Variants in GNAS observed in about 807,000 individuals in gnomAD.
GNAS encodes the protein protein ALEX.
Under a neutral mutation model 54.5 loss-of-function variants are expected in GNAS, and 8 were observed. The observed-to-expected ratio is 0.15, with a 90% CI of 0.09 to 0.26. GNAS has a LOEUF of 0.26. Among genes scored for constraint, GNAS ranks in the 10% least tolerant of loss-of-function variants. The pLI is 1.00. For missense variants in GNAS, 170 were observed against 529.8 expected, an observed-to-expected ratio of 0.32 and a Z score of 6.67; for synonymous variants, 204 against 191.4, an observed-to-expected ratio of 1.07 and a Z score of -0.54.
Position 58,900,297 on chromosome 20 carries a change from AAACCCTTG to A in GNAS, c.257+1319_257+1326del, listed in dbSNP as rs199642091. 3.6e-3 allele frequency: 1,395 copies of A among 386,150 alleles called. 25 individuals carry two copies. The Admixed American group carries it at 0.039, about 11-fold the overall frequency. 23.9% of individuals were successfully genotyped at this position (386,150 alleles called of 1,614,324 possible). A position where few individuals can be genotyped will look rare whatever the true frequency, so the allele number is the denominator to read the frequency against. ...CCTACTGTGTACTAGATGTCCTGCT[AAACCCTTG>A]AACCCTACTAATACCTTGGCCTGCA... On this transcript the variant is annotated intron_variant, in intron 3 of 12. Transcript: ENST00000371085.
At chr20:58,889,111 T>G, upstream of GNAS, 1 of 1,148,264 alleles carries the variant, frequency 8.7e-7, no homozygotes, top group Non-Finnish European at 1.1e-6. Flanking sequence ...CTGCTATGGG[T>G]CGGTCCTCTG....
chr20:58,889,383 G>C (rs1391021024), upstream of GNAS: 1 of 983,768 alleles, frequency 1.0e-6, no homozygotes, highest in Non-Finnish European at 1.2e-6. Flanking sequence ...GGCCTCCCGC[G>C]GAAGTGCGAG....
Position 58,840,939 on chromosome 20 carries a change from C to T in GNAS, c.43+53C>T, listed in dbSNP as rs1311438642. On this transcript the variant is annotated intron_variant, in intron 1 of 12. Coordinates refer to the GNAS transcript ENST00000306090. This position sits in a 1 kb window ranked among gnomAD's most constrained non-coding sequence, Gnocchi z 6.0. ...GCCTGAGGGCGGTGTGGGAGCAGCG[C>T]AGGTGGAAAGGAGGTGAGAAGGAAA... 1.3e-6 allele frequency: 2 copies of T among 1,590,274 alleles called. No individual in the cohort carries two copies. Among genetic ancestry groups the T allele is most frequent in the Admixed American group, 1.7e-5 (1 of 58,044 alleles).
intron 3 of GNAS, among the ~76,000 whole-genome samples, chr20:58,902,371 A>G (rs751990080): frequency 3.3e-5 from 5 of 152,174 alleles, no homozygotes; most frequent in Non-Finnish European, 5.9e-5. Flanking sequence ...TTTCTGAAAA[A>G]CATACAGCAT....
At chr20:58,843,449 A>G (rs2085821707) in intron 1 of GNAS, 1 of 152,318 alleles carries the variant, frequency 6.6e-6, no homozygotes, top group Non-Finnish European at 1.5e-5. Flanking sequence ...AACTTCCCCA[A>G]GCATTCCCAA....
chr20:58,890,369 C>T (rs1459309564), upstream of GNAS, among the ~76,000 whole-genome samples: 2 of 151,550 alleles, frequency 1.3e-5, no homozygotes, highest in African/African-American at 4.8e-5. Context: ...CTGACTGGGA[C>T]ACGGACTCGA....
At chr20:58,844,473 G>A (rs923262956) in intron 1 of GNAS, among the ~76,000 whole-genome samples, 9 of 152,258 alleles carry the variant, frequency 5.9e-5, no homozygotes, top group African/African-American at 1.9e-4. Context: ...CTGGAGCAGT[G>A]GGATCTAAGA....
chr20:58,866,598 T>C (rs2087081692), intron 1 of GNAS, among the ~76,000 whole-genome samples: 1 of 152,220 alleles, frequency 6.6e-6, no homozygotes, highest in Admixed American at 6.5e-5. Context: ...ACTTTATAAC[T>C]TCTTTGTTAT....
intron 1 of GNAS, among the ~76,000 whole-genome samples, chr20:58,865,273 C>T (rs1600771140): frequency 6.6e-6 from 1 of 151,646 alleles, no homozygotes; most frequent in Admixed American, 6.6e-5. Context: ...AAAAAATTAG[C>T]CGGGCGTGGT....
intron 1 of GNAS, among the ~76,000 whole-genome samples, chr20:58,859,139 A>C (rs2086649639): frequency 6.6e-6 from 1 of 152,228 alleles, no homozygotes; most frequent in South Asian, 2.1e-4. Context: ...TTGAAAAGGA[A>C]AATCTCACTG....
chr20:58,848,073 C>T (rs2086003676), intron 1 of GNAS, among the ~76,000 whole-genome samples: 1 of 152,196 alleles, frequency 6.6e-6, no homozygotes, highest in Non-Finnish European at 1.5e-5. Flanking sequence ...TTCAAAACGC[C>T]ACTGTTTGCC....
upstream of GNAS, chr20:58,839,818 C>CT (rs1480178914): frequency 1.7e-6 from 1 of 593,110 alleles, no homozygotes; most frequent in East Asian, 2.8e-5. Context: ...GCTGCGGAAT[C>CT]TAAGACTCAG....
intron 1 of GNAS, among the ~76,000 whole-genome samples, chr20:58,870,732 G>C (rs917970799): frequency 1.3e-5 from 2 of 152,048 alleles, no homozygotes; most frequent in African/African-American, 4.8e-5. Flanking sequence ...TGCGCCAGAC[G>C]CACAAATCCC....
chr20:58,852,101 C>T (rs996189021), intron 1 of GNAS, among the ~76,000 whole-genome samples: 4 of 152,104 alleles, frequency 2.6e-5, no homozygotes, highest in Admixed American at 1.3e-4. Flanking sequence ...CGCCCCCCAC[C>T]CCTCTCTTGG....
At position 58,853,710 on chromosome 20, in the gene GNAS, C is replaced by A. The variant is rs768905268; in HGVS notation, c.43+12824C>A. 5.6e-6 allele frequency: 9 copies of A among 1,613,864 alleles called. No individual in the cohort carries two copies. In the Admixed American group the frequency reaches 6.7e-5, roughly 12 times the overall value. ...GCCCGGAGCCTTCAGTGGTGCCAGA[C>A]CAGGCCTGGGAGGATACAGCCCTCC... is the stretch of plus-strand genomic sequence containing the variant. On this transcript the variant is annotated intron_variant, in intron 1 of 12. Transcript: ENST00000306090. The surrounding 1 kb of genome is among the most constrained non-coding windows in gnomAD (Gnocchi z 4.4).
At chr20:58,868,022 CTTT>C (rs370255144) in intron 1 of GNAS, among the ~76,000 whole-genome samples, 3 of 132,594 alleles carry the variant, frequency 2.3e-5, no homozygotes, top group African/African-American at 2.9e-5. Flanking sequence ...TTCTTTCTTT[CTTT>C]TTTTTTTTTT....
In GNAS at chr20:58,910,648, G is replaced by A; in HGVS notation, c.1039-35G>A. 6.2e-7 allele frequency: 1 copy of A among 1,613,524 alleles called. No homozygotes were observed. Among genetic ancestry groups the A allele is most frequent in the Non-Finnish European group, 8.5e-7 (1 of 1,179,520 alleles). On this transcript the variant is annotated intron_variant, in intron 12 of 12. Transcript: ENST00000371085. The surrounding 1 kb of genome is among the most constrained non-coding windows in gnomAD (Gnocchi z 5.8). ...AGGGATAGGGTGGTTCCTGGCGAGG[G>A]TGTCACTGACAAGTCCCCTTGTTTG... is the stretch of plus-strand genomic sequence containing the variant.
intron 1 of GNAS, among the ~76,000 whole-genome samples, chr20:58,846,065 G>C (rs1387805602): frequency 6.6e-6 from 1 of 152,198 alleles, no homozygotes; most frequent in Non-Finnish European, 1.5e-5. Context: ...AAAGTGGGGA[G>C]AGATTTAAGG....
At chr20:58,855,221 C>G in intron 1 of GNAS, 1 of 1,597,454 alleles carries the variant, frequency 6.3e-7, no homozygotes, top group Non-Finnish European at 8.5e-7. Context: ...GCAAAGAAGC[C>G]CTGGAGAAGC....
Sources: allele counts gnomAD v4.1 joint callset (sites outside exome capture counted in the v4.1 genomes callset), GRCh38; gene constraint gnomAD v4.1.1; non-coding constraint Gnocchi (gnomAD v3.1); transcripts MANE v1.5; gene names NCBI Gene and HGNC (gene_info 2026-07-23, HGNC 2026-07-21).